PTPRD: variants seen among roughly 807,000 people sequenced by gnomAD.
The protein encoded by PTPRD is receptor-type tyrosine-protein phosphatase delta.
PTPRD carries 34 observed loss-of-function variants against 214.5 expected under a neutral mutation model. That is an observed-to-expected ratio of 0.16 (90% CI 0.12 to 0.21). The LOEUF (loss-of-function observed/expected upper bound fraction) is 0.21, where lower values mean the gene tolerates loss of function less well. Among genes scored for constraint, PTPRD ranks in the 10% least tolerant of loss-of-function variants. The probability of loss-of-function intolerance (pLI) is 1.00; values close to 1 mark genes in which losing one functional copy is unlikely to be tolerated. For missense variants in PTPRD, 2,545 were observed against 2,398.7 expected (o/e 1.06, Z -1.27); for synonymous variants, 1,128 against 845.7 (o/e 1.33, Z -5.79).
At chr9:9,740,854 TTGAC>T (rs2098390401) in intron 6 of PTPRD, among the ~76,000 whole-genome samples, 1 of 152,164 alleles carries the variant, frequency 6.6e-6, no homozygotes. Context: ...AACGAATGCT[TTGAC>T]TGGAGTGAAT....
rs2136304781 is a variant in PTPRD, at chr9:8,492,904, C to T, written c.2425G>A (p.Gly809Ser). 1 of 1,613,866 alleles carries T rather than the reference C, an allele frequency of 6.2e-7. No homozygotes were observed. The highest frequency in any genetic ancestry group is 8.5e-7 in the Non-Finnish European group (1 of 1,179,820). Reference sequence around the variant, plus strand: ...ACCAGTTTGGGCTTGCTGCGAGCACCATCTCCTTTGGTTGTGTAGGCTGTG... The same window carrying T: ...ACCAGTTTGGGCTTGCTGCGAGCACTATCTCCTTTGGTTGTGTAGGCTGTG... The part of the protein sequence containing the change: ...TVTAYTTKGD[G>S]ARSKPKLVST... Residue 809 changes from glycine to serine, a missense_variant, in exon 27 of 46, where the codon GGT becomes AGT. Transcript: ENST00000381196.
intron 39 of PTPRD, among the ~76,000 whole-genome samples, chr9:8,359,138 A>ATT (rs2077781348): frequency 2.8e-5 from 1 of 36,110 alleles, no homozygotes; most frequent in Non-Finnish European, 7.0e-5. Flanking sequence ...AAAAAAAAAA[A>ATT]CAAAAAAAAA....
chr9:10,162,157 C>A (rs1923358), intron 3 of PTPRD, among the ~76,000 whole-genome samples: 8,142 of 151,448 alleles, frequency 0.054, 316 homozygotes, highest in Admixed American at 0.1. Context: ...ATGAAAAAAT[C>A]ACAACTACCT....
chr9:10,611,616 G>A (rs1029801127), intron 2 of PTPRD, among the ~76,000 whole-genome samples: 3 of 152,256 alleles, frequency 2.0e-5, no homozygotes, highest in Admixed American at 6.5e-5. Context: ...AATACTGCCT[G>A]CAAAAGTTTT....
intron 3 of PTPRD, among the ~76,000 whole-genome samples, chr9:10,171,214 G>T (rs1466266794): frequency 2.6e-5 from 4 of 152,048 alleles, no homozygotes; most frequent in African/African-American, 9.7e-5. Context: ...ATATGGTTTG[G>T]CTGTGTCCCC....
At chr9:8,502,701 G>C (rs1278730297) in intron 23 of PTPRD, among the ~76,000 whole-genome samples, 1 of 151,896 alleles carries the variant, frequency 6.6e-6, no homozygotes, top group Non-Finnish European at 1.5e-5. Flanking sequence ...TTAAAAAGCT[G>C]ATTTGGTTTT....
chr9:10,522,322 G>T (rs1485765101), intron 2 of PTPRD, among the ~76,000 whole-genome samples: 1 of 152,152 alleles, frequency 6.6e-6, no homozygotes, highest in Non-Finnish European at 1.5e-5. Flanking sequence ...CAAGTGTGTG[G>T]TGTGGACATC....
intron 7 of PTPRD, among the ~76,000 whole-genome samples, chr9:9,698,099 T>C (rs917860394): frequency 1.6e-4 from 25 of 152,338 alleles, no homozygotes; most frequent in Admixed American, 1.4e-3. Flanking sequence ...ATTTTGGATT[T>C]TTATCAGAGA....
At chr9:10,547,699 TTATATA>T (rs577218359) in intron 2 of PTPRD, among the ~76,000 whole-genome samples, 1 of 149,304 alleles carries the variant, frequency 6.7e-6, no homozygotes, top group East Asian at 1.9e-4. Context: ...TACATATATG[TTATATA>T]TATATATATA....
chr9:10,475,677 T>C (rs1428624775), intron 2 of PTPRD, among the ~76,000 whole-genome samples: 2 of 151,726 alleles, frequency 1.3e-5, no homozygotes, highest in East Asian at 3.9e-4. Flanking sequence ...ACACAACTAG[T>C]AAAGAAAATT....
intron 5 of PTPRD, among the ~76,000 whole-genome samples, chr9:9,820,469 C>G (rs2050327310): frequency 2.0e-5 from 3 of 152,018 alleles, no homozygotes. Flanking sequence ...ATTTGTTATG[C>G]AGAAGCTCTT....
chr9:9,556,411 A>T (rs1023671115), intron 8 of PTPRD, among the ~76,000 whole-genome samples: 6 of 152,106 alleles, frequency 3.9e-5, no homozygotes, highest in Non-Finnish European at 8.8e-5. Flanking sequence ...TATTGAAAAA[A>T]TTTACATATA....
intron 2 of PTPRD, among the ~76,000 whole-genome samples, chr9:10,396,402 A>G (rs1316949202): frequency 1.3e-5 from 2 of 152,092 alleles, no homozygotes; most frequent in African/African-American, 4.8e-5. Context: ...CTATTGGCCT[A>G]TTGGACTCAA....
At chr9:9,780,908 T>C (rs2098837824) in intron 5 of PTPRD, among the ~76,000 whole-genome samples, 1 of 152,180 alleles carries the variant, frequency 6.6e-6, no homozygotes, top group African/African-American at 2.4e-5. Context: ...GAATAACAAA[T>C]GACTGAGTGA....
intron 2 of PTPRD, among the ~76,000 whole-genome samples, chr9:10,554,747 G>T (rs184732511): frequency 6.6e-6 from 1 of 151,732 alleles, no homozygotes. Flanking sequence ...TGCAAGCTCC[G>T]CCTCCCGGCT....
intron 7 of PTPRD, among the ~76,000 whole-genome samples, chr9:9,730,397 T>C (rs2098167931): frequency 1.3e-5 from 2 of 152,094 alleles, no homozygotes; most frequent in South Asian, 2.1e-4. Flanking sequence ...TGGGTTTCTA[T>C]AGATTTTGCT....
intron 7 of PTPRD, among the ~76,000 whole-genome samples, chr9:9,673,876 T>C (rs1379437919): frequency 2.6e-5 from 4 of 151,644 alleles, no homozygotes. Context: ...AAGACAATAA[T>C]ATATCATACT....
chr9:10,158,129 C>T (rs2099105109), intron 3 of PTPRD, among the ~76,000 whole-genome samples: 2 of 152,032 alleles, frequency 1.3e-5, no homozygotes, highest in Admixed American at 1.3e-4. Context: ...CTGTCTCAGA[C>T]CCCCGCTTAA....
At chr9:8,444,045 GTC>G (rs151269125) in intron 34 of PTPRD, among the ~76,000 whole-genome samples, 2,036 of 152,196 alleles carry the variant, frequency 0.013, 42 homozygotes, top group African/African-American at 0.047. Context: ...CTGTAATTGG[GTC>G]TCTCTATCAA....
Sources: gnomAD v4.1 joint callset for allele counts (sites outside exome capture counted in the v4.1 genomes callset) on GRCh38, gnomAD v4.1.1 for gene constraint, MANE v1.5 for transcripts, NCBI Gene and HGNC (gene_info 2026-07-23, HGNC 2026-07-21) for gene names.